The following CASTOR2 variants were observed in gnomAD, a reference collection of about 807,000 sequenced individuals.
The protein encoded by CASTOR2 is cytosolic arginine sensor for mTORC1 subunit 2, also known as GATS protein like 2.
Under a neutral mutation model 31.2 loss-of-function variants are expected in CASTOR2, and 8 were observed. The ratio of observed to expected loss-of-function variants is 0.26; its 90% CI spans 0.15 to 0.46. The LOEUF is 0.46. Among genes scored for constraint, CASTOR2 ranks in the 20% least tolerant of loss-of-function variants. The pLI is 0.99. For synonymous variants in CASTOR2, 162 were observed against 158.7 expected (o/e 1.02, Z -0.16); for missense variants, 216 against 382.1 (o/e 0.57, Z 3.62).
chr7:75,020,078 C>T lies in CASTOR2; in HGVS notation c.675C>T (p.His225=). The change falls in exon 6 of 9, where the codon CAC becomes CAT. Residue 225 remains histidine (H), a synonymous_variant. Coordinates refer to ENST00000616305, the MANE Select transcript of CASTOR2 (RefSeq NM_001145064.3). ...DPMATGDDCG[H]IRFFSFSLIE... is the part of the protein sequence containing the mutation. ...TGGCCACTGGGGATGACTGCGGCCACATCCGCTTCTTCTCCTTCTCCCTCA... is the reference window on the plus strand; with the variant it reads ...TGGCCACTGGGGATGACTGCGGCCATATCCGCTTCTTCTCCTTCTCCCTCA... 6.4e-7 allele frequency: 1 copy of T among 1,551,502 alleles called. No individual in the cohort carries two copies. Among genetic ancestry groups the T allele is most frequent in the Non-Finnish European group, 8.7e-7 (1 of 1,146,844 alleles).
At chr7:74,999,251 C>T (rs1487762187) in intron 1 of CASTOR2, among the ~76,000 whole-genome samples, 4 of 152,048 alleles carry the variant, frequency 2.6e-5, no homozygotes, top group African/African-American at 4.8e-5. Context: ...ACCTCGTGAT[C>T]CACCCGCCTC....
rs1261631214 is a variant in CASTOR2 at position 74,994,246 on chromosome 7, TG to T, written c.114-13742del. Reference sequence around the variant, plus strand: ...CCAGGCCAAGGCCAGGGTTGGGTGGTGGGGGGAACAATGGATTTTGAGAGTC... The same window carrying T: ...CCAGGCCAAGGCCAGGGTTGGGTGGTGGGGGAACAATGGATTTTGAGAGTC... On this transcript the variant is annotated intron_variant, in intron 1 of 8. Coordinates refer to ENST00000616305, the MANE Select transcript of CASTOR2 (RefSeq NM_001145064.3). Among the ~76,000 whole-genome samples the T allele has an allele frequency of 1.8e-3, 277 of 152,240 alleles. 2 individuals carry two copies. Among genetic ancestry groups the T allele is most frequent in the African/African-American group, 6.0e-3 (251 of 41,548 alleles).
intron 1 of CASTOR2, among the ~76,000 whole-genome samples, chr7:74,983,892 C>T (rs1435431330): frequency 4.0e-5 from 6 of 151,374 alleles, no homozygotes; most frequent in Admixed American, 6.6e-5. Context: ...GGGTTCCTCC[C>T]GCCTCAGCCT....
intron 6 of CASTOR2, among the ~76,000 whole-genome samples, chr7:75,020,720 A>G (rs1218713766): frequency 6.6e-6 from 1 of 151,798 alleles, no homozygotes; most frequent in Admixed American, 6.6e-5. Context: ...GGATCTCCTG[A>G]CCTTGTGATC....
At chr7:74,984,683 C>G (rs1448521801) in intron 1 of CASTOR2, among the ~76,000 whole-genome samples, 1 of 152,176 alleles carries the variant, frequency 6.6e-6, no homozygotes, top group African/African-American at 2.4e-5. Flanking sequence ...GGGCCAGGCC[C>G]ACCGCCATGC....
chr7:74,983,733 C>T (rs1309793850), intron 1 of CASTOR2, among the ~76,000 whole-genome samples: 3 of 150,302 alleles, frequency 2.0e-5, no homozygotes, highest in Non-Finnish European at 3.0e-5. Flanking sequence ...CCTTATCAAG[C>T]GCTCTCTCTC....
intron 1 of CASTOR2, among the ~76,000 whole-genome samples, chr7:74,987,138 C>G (rs1804085559): frequency 6.6e-6 from 1 of 152,056 alleles, no homozygotes; most frequent in Non-Finnish European, 1.5e-5. Context: ...GGCGCAGTGG[C>G]TCACACCTGT....
intron 1 of CASTOR2, among the ~76,000 whole-genome samples, chr7:74,975,154 A>G (rs1455682468): frequency 1.3e-5 from 2 of 150,500 alleles, no homozygotes; most frequent in East Asian, 4.0e-4. Context: ...TTTTTAATTT[A>G]GATGGGTTTT....
intron 1 of CASTOR2, among the ~76,000 whole-genome samples, chr7:75,003,934 G>C (rs1443941470): frequency 2.0e-5 from 3 of 152,128 alleles, no homozygotes; most frequent in African/African-American, 4.8e-5. Context: ...CTGGGGACAG[G>C]TCACTTCAAC....
chr7:75,022,500 G>T (rs1243678520), intron 7 of CASTOR2, among the ~76,000 whole-genome samples: 1 of 27,452 alleles, frequency 3.6e-5, no homozygotes, highest in African/African-American at 9.7e-5. Context: ...GCAAATCTTT[G>T]CCTCTAAAAA....
At chr7:74,998,946 TGATTG>T (rs1434536946) in intron 1 of CASTOR2, among the ~76,000 whole-genome samples, 4 of 152,022 alleles carry the variant, frequency 2.6e-5, no homozygotes, top group African/African-American at 9.7e-5. Context: ...CCACGCTGTC[TGATTG>T]GATTCTCCTG....
At position 75,028,885 on chromosome 7, in the gene CASTOR2, G is replaced by A. The variant is rs1188003889; in HGVS notation, c.*4186G>A. On this transcript the variant is annotated 3_prime_UTR_variant, in exon 9 of 9. Transcript: ENST00000616305. Reference sequence around the variant, plus strand: ...CAAGATTCAGAGGCGGGGACCCAAAGCCTCACTCCAAACCACTGGCATTCT... The same window carrying A: ...CAAGATTCAGAGGCGGGGACCCAAAACCTCACTCCAAACCACTGGCATTCT... Among the ~76,000 whole-genome samples the A allele has an allele frequency of 6.6e-6, 1 of 152,186 alleles. No homozygotes were observed. Among genetic ancestry groups the A allele is most frequent in the South Asian group, 2.1e-4 (1 of 4,836 alleles).
chr7:75,009,695 G>A (rs1804694454), intron 2 of CASTOR2, among the ~76,000 whole-genome samples: 2 of 151,782 alleles, frequency 1.3e-5, no homozygotes, highest in Admixed American at 1.3e-4. Flanking sequence ...TACAGCCACA[G>A]CTTCTAGTAC....
At chr7:75,023,975 G>C (rs1202541913) in intron 7 of CASTOR2, among the ~76,000 whole-genome samples, 2 of 152,082 alleles carry the variant, frequency 1.3e-5, no homozygotes, top group Non-Finnish European at 2.9e-5. Context: ...GGACATCTGG[G>C]TTAAGCCTTC....
chr7:75,012,936 C>T (rs1392783668), intron 2 of CASTOR2, among the ~76,000 whole-genome samples: 2 of 151,696 alleles, frequency 1.3e-5, no homozygotes, highest in Admixed American at 6.6e-5. Flanking sequence ...CGTGAACCAC[C>T]GTGCACAGCC....
chr7:75,017,642 C>G lies in CASTOR2; in HGVS notation c.229C>G (p.Leu77Val). 4.3e-6 allele frequency: 7 copies of G among 1,614,044 alleles called. No homozygotes were observed. The highest frequency in any genetic ancestry group is 5.9e-6 in the Non-Finnish European group (7 of 1,179,888). The change falls in exon 3 of 9, where the codon CTG becomes GTG. Residue 77 changes from leucine to valine, a missense_variant. Coordinates refer to ENST00000616305, the MANE Select transcript of CASTOR2 (RefSeq NM_001145064.3). The stretch of plus-strand genomic sequence containing the variant: ...CCTGAGTGTGGCAGATGCCACCTGG[C>G]TGGCCCTGAACGTGGTGTCCGGCGG... ...EHLSVADATW[L>V]ALNVVSGGGS...
At position 74,989,216 on chromosome 7, in the gene CASTOR2, G is replaced by A. The variant is rs587610229; in HGVS notation, c.114-18778G>A. 1.3e-3 allele frequency among the ~76,000 whole-genome samples: 189 copies of A among 151,188 alleles called. 1 individual carries two copies. The highest frequency in any genetic ancestry group is 2.0e-3 in the Non-Finnish European group (137 of 67,918). ...CCTGACCTCGTGATTCGCCCATCTC[G>A]GCCTCCGAAAGTGCTGGGATTACAG... On this transcript the variant is annotated intron_variant, in intron 1 of 8. Coordinates refer to ENST00000616305, the MANE Select transcript of CASTOR2 (RefSeq NM_001145064.3).
At chr7:75,021,548 A>G (rs1024003445) in intron 6 of CASTOR2, among the ~76,000 whole-genome samples, 96 of 152,126 alleles carry the variant, frequency 6.3e-4, no homozygotes, top group Non-Finnish European at 1.3e-3. Flanking sequence ...GGGGATTTGA[A>G]CCGCAGCCCC....
chr7:74,992,746 T>C (rs1307585941), intron 1 of CASTOR2, among the ~76,000 whole-genome samples: 2 of 152,118 alleles, frequency 1.3e-5, no homozygotes, highest in Non-Finnish European at 2.9e-5. Flanking sequence ...CCTCAAGATT[T>C]TTTTAAATCA....
Sources: gnomAD v4.1 joint callset for allele counts (sites outside exome capture counted in the v4.1 genomes callset) on GRCh38, gnomAD v4.1.1 for gene constraint, MANE v1.5 for transcripts, NCBI Gene and HGNC (gene_info 2026-07-23, HGNC 2026-07-21) for gene names.